The following FUT8 variants were observed in gnomAD, a reference collection of about 807,000 sequenced individuals.
FUT8 encodes alpha-(1,6)-fucosyltransferase.
In FUT8, 29 loss-of-function variants were observed where a neutral mutation model predicts 71.3. That is an observed-to-expected ratio of 0.41 (90% CI 0.30 to 0.55). FUT8 has a LOEUF of 0.55. Among genes scored for constraint, FUT8 ranks in the 20% least tolerant of loss-of-function variants. FUT8 has a pLI of 0.34. For synonymous variants in FUT8, 254 were observed against 239.3 expected (o/e 1.06, Z -0.57); for missense variants, 544 against 702.1 (o/e 0.77, Z 2.55).
intron 7 of FUT8, among the ~76,000 whole-genome samples, chr14:65,692,190 TC>T (rs1893651542): frequency 6.9e-6 from 1 of 145,282 alleles, no homozygotes; most frequent in Non-Finnish European, 1.5e-5. Context: ...GGGCAGAGGT[TC>T]CCCTCACCTC....
rs1293359249 is a variant in FUT8, at chr14:65,550,100, C to A, written c.-227-11237C>A. On this transcript the variant is annotated intron_variant, in intron 2 of 10. Transcript: ENST00000673929. The surrounding 1 kb of genome is among the most constrained non-coding windows in gnomAD (Gnocchi z 4.5). The stretch of plus-strand genomic sequence containing the variant: ...CAAAACAAAAAAGTTTACTTGGTTC[C>A]CAGCTTTGCAGTCTGTAGGAGAAGC... Among the ~76,000 whole-genome samples the A allele has an allele frequency of 6.6e-6, 1 of 151,952 alleles. No individual in the cohort carries two copies. Among genetic ancestry groups the A allele is most frequent in the Non-Finnish European group, 1.5e-5 (1 of 67,960 alleles).
rs368842583 is a variant in FUT8 at position 65,455,961 on chromosome 14, T to C, written c.-228+243T>C. The stretch of plus-strand genomic sequence containing the variant: ...TTTTAAATAGTTTTGTACTTTAAAT[T>C]ATGGGGCTGGATAAAACAAGTTGTG... On this transcript the variant is annotated intron_variant, in intron 2 of 10. Transcript: ENST00000673929. Among the ~76,000 whole-genome samples the C allele has an allele frequency of 3.3e-5, 5 of 152,190 alleles. No individual in the cohort carries two copies. The East Asian group carries it at 9.6e-4, about 29-fold the overall frequency.
chr14:65,634,421 CACTGCGGAAG>C (rs1209028920), intron 6 of FUT8, among the ~76,000 whole-genome samples: 1 of 152,138 alleles, frequency 6.6e-6, no homozygotes, highest in East Asian at 1.9e-4. Flanking sequence ...GGGACACAAA[CACTGCGGAAG>C]GCTGCAGGGT....
intron 2 of FUT8, among the ~76,000 whole-genome samples, chr14:65,504,163 A>C (rs1360280181): frequency 1.3e-5 from 2 of 152,136 alleles, no homozygotes; most frequent in Non-Finnish European, 2.9e-5. Flanking sequence ...TTGAACTTTC[A>C]TGTTCTTTTT....
chr14:65,548,034 A>G (rs1885071882), intron 2 of FUT8, among the ~76,000 whole-genome samples: 1 of 151,938 alleles, frequency 6.6e-6, no homozygotes, highest in Admixed American at 6.6e-5. Flanking sequence ...TATGACTTTA[A>G]TAGTTCAATA....
intron 2 of FUT8, among the ~76,000 whole-genome samples, chr14:65,466,404 A>G (rs1326968581): frequency 5.9e-5 from 9 of 152,080 alleles, no homozygotes; most frequent in African/African-American, 2.2e-4. Context: ...TCAGCATTTT[A>G]TATAATTCCA....
intron 5 of FUT8, among the ~76,000 whole-genome samples, chr14:65,626,390 C>T (rs1048446772): frequency 1.3e-5 from 2 of 152,188 alleles, no homozygotes; most frequent in African/African-American, 4.8e-5. Context: ...GTATGTCTGG[C>T]TCCCAAAGCT....
intron 2 of FUT8, among the ~76,000 whole-genome samples, chr14:65,474,464 C>T (rs1043685370): frequency 3.7e-4 from 15 of 40,274 alleles, no homozygotes; most frequent in Admixed American, 2.8e-3. Context: ...AAAAGCCAGG[C>T]GTGCTGGCTC....
At position 65,729,833 on chromosome 14, in the gene FUT8, A is replaced by C. The variant is rs114848059; in HGVS notation, c.1260-3398A>C. ...AGCCAACAGCTATAACTCCCCTGCCAGTGGTAGTCCAGGCAGCAATTTTCT... is the reference window on the plus strand; with the variant it reads ...AGCCAACAGCTATAACTCCCCTGCCCGTGGTAGTCCAGGCAGCAATTTTCT... On this transcript the variant is annotated intron_variant, in intron 9 of 10. Transcript: ENST00000673929. 2.7e-3 allele frequency among the ~76,000 whole-genome samples: 416 copies of C among 152,350 alleles called. 3 individuals carry two copies. The highest frequency in any genetic ancestry group is 9.1e-3 in the African/African-American group (380 of 41,580).
At chr14:65,735,652 A>G (rs549310872) in intron 10 of FUT8, among the ~76,000 whole-genome samples, 1 of 152,288 alleles carries the variant, frequency 6.6e-6, no homozygotes, top group South Asian at 2.1e-4. Flanking sequence ...CAGTAGAAAT[A>G]CCTTACATTT....
chr14:65,357,616 A>C, the FUT8 span, among the ~76,000 whole-genome samples: 4 of 152,166 alleles, frequency 2.6e-5, no homozygotes, highest in Admixed American at 2.6e-4. Flanking sequence ...TCCAGTTTGG[A>C]AGATGTGACC....
At chr14:65,364,278 T>C in the FUT8 span, among the ~76,000 whole-genome samples, 2 of 150,238 alleles carry the variant, frequency 1.3e-5, no homozygotes, top group Non-Finnish European at 3.0e-5. Context: ...GATCTCGGCT[T>C]ACTGCAACCT....
At chr14:65,597,438 C>G (rs3783707) in intron 3 of FUT8, among the ~76,000 whole-genome samples, 9,746 of 151,480 alleles carry the variant, frequency 0.064, 584 homozygotes, top group African/African-American at 0.15. Context: ...ACCATCCTGG[C>G]TAGTGAAACC....
chr14:65,661,955 T>C (rs1891988967), intron 6 of FUT8, among the ~76,000 whole-genome samples: 1 of 152,234 alleles, frequency 6.6e-6, no homozygotes, highest in African/African-American at 2.4e-5. Context: ...TAAGGACTGC[T>C]GCTTTCCTTC....
chr14:65,519,172 G>A (rs1430050271), intron 2 of FUT8, among the ~76,000 whole-genome samples: 1 of 152,116 alleles, frequency 6.6e-6, no homozygotes, highest in East Asian at 1.9e-4. Flanking sequence ...TTTTAGTGAG[G>A]AAGTGGAACG....
intron 6 of FUT8, among the ~76,000 whole-genome samples, chr14:65,636,342 T>G (rs1327133517): frequency 2.0e-5 from 3 of 152,076 alleles, no homozygotes; most frequent in Admixed American, 2.0e-4. Flanking sequence ...TTCCATTTCA[T>G]TTAGTTTTGC....
intron 1 of FUT8, among the ~76,000 whole-genome samples, chr14:65,422,100 A>G (rs2065307188): frequency 6.6e-6 from 1 of 151,802 alleles, no homozygotes; most frequent in Non-Finnish European, 1.5e-5. Flanking sequence ...TTGGTGTTGA[A>G]CTCATGGGGT....
At chr14:65,468,146 C>T (rs909349970) in intron 2 of FUT8, 2 of 638,238 alleles carry the variant, frequency 3.1e-6, no homozygotes, top group Admixed American at 3.9e-5. Flanking sequence ...TGTTGGGTAA[C>T]ACTGCAGACT....
intron 3 of FUT8, among the ~76,000 whole-genome samples, chr14:65,609,035 C>G (rs1000698881): frequency 6.6e-6 from 1 of 151,846 alleles, no homozygotes; most frequent in African/African-American, 2.4e-5. Context: ...TGGCTCATGT[C>G]TGTAATCTCA....
Sources: allele counts gnomAD v4.1 joint callset (sites outside exome capture counted in the v4.1 genomes callset), GRCh38; gene constraint gnomAD v4.1.1; non-coding constraint Gnocchi (gnomAD v3.1); transcripts MANE v1.5; gene names NCBI Gene and HGNC (gene_info 2026-07-23, HGNC 2026-07-21).